The following DSG2 variants were observed in gnomAD, a reference collection of about 807,000 sequenced individuals.
DSG2 encodes the protein desmoglein-2.
DSG2 carries 45 observed loss-of-function variants against 75.6 expected under a neutral mutation model. The ratio of observed to expected loss-of-function variants is 0.60; its 90% CI spans 0.47 to 0.76. DSG2 has a LOEUF of 0.76. DSG2 is among the 30% of genes least tolerant of loss of function. The probability of loss-of-function intolerance (pLI) is 0.00; values close to 1 mark genes in which losing one functional copy is unlikely to be tolerated. For synonymous variants in DSG2, 429 were observed against 483.9 expected, an observed-to-expected ratio of 0.89 and a Z score of 1.49; for missense variants, 1,267 against 1,357.4, an observed-to-expected ratio of 0.93 and a Z score of 1.05.
intron 14 of DSG2, 53 bp downstream of exon 14, chr18:31,542,905 G>A (rs565265206): frequency 1.9e-6 from 2 of 1,055,542 alleles, no homozygotes; most frequent in East Asian, 7.6e-5. Context: ...ACATTTGTAT[G>A]TGAATGTGAT....
rs764745535 is a variant in DSG2, at chr18:31,536,400, C to G, written c.1622C>G (p.Ala541Gly). The G allele has an allele frequency of 1.9e-6, 3 of 1,613,974 alleles. No individual in the cohort carries two copies. The Admixed American group carries it at 5.0e-5, about 27-fold the overall frequency. ...FSVIDKPPGM[A>G]EKWKIARQES... ...GTCATTGACAAACCACCTGGCATGGCAGAAAAATGGAAAATAGCACGCCAA... is the reference window on the plus strand; with the variant it reads ...GTCATTGACAAACCACCTGGCATGGGAGAAAAATGGAAAATAGCACGCCAA... Residue 541 changes from alanine (A) to glycine (G), a missense_variant, in exon 11 of 15, where the codon GCA becomes GGA. Coordinates refer to ENST00000261590, the MANE Select transcript of DSG2 (RefSeq NM_001943.5).
intron 14 of DSG2, among the ~76,000 whole-genome samples, chr18:31,544,769 T>C (rs114015152): frequency 2.0e-4 from 30 of 152,262 alleles, no homozygotes; most frequent in African/African-American, 7.2e-4. Context: ...GTAAGAATAA[T>C]TTTTTAAAAA....
At chr18:31,510,583 T>C (rs1423933840) in intron 1 of DSG2, among the ~76,000 whole-genome samples, 1 of 151,314 alleles carries the variant, frequency 6.6e-6, no homozygotes, top group Non-Finnish European at 1.5e-5. Context: ...CCCTCATGCC[T>C]CTGCAGGAAA....
chr18:31,513,703 G>T (rs1342814366), intron 1 of DSG2, among the ~76,000 whole-genome samples: 1 of 152,176 alleles, frequency 6.6e-6, no homozygotes, highest in Non-Finnish European at 1.5e-5. Context: ...GCTTCCCTCT[G>T]CCCTGAGGAT....
chr18:31,508,750 G>A (rs2073052014), intron 1 of DSG2, among the ~76,000 whole-genome samples: 1 of 152,130 alleles, frequency 6.6e-6, no homozygotes, highest in Admixed American at 6.5e-5. Context: ...ACATCTGTCT[G>A]TAACTAGGGG....
intron 12 of DSG2, among the ~76,000 whole-genome samples, chr18:31,540,467 C>T (rs1452943761): frequency 1.3e-5 from 2 of 152,190 alleles, no homozygotes; most frequent in African/African-American, 4.8e-5. Context: ...TCTCAGATTC[C>T]CTGGAGCCTA....
chr18:31,498,395 C>A, intron 1 of DSG2, 99 bp downstream of exon 1: 1 of 1,192,086 alleles, frequency 8.4e-7, no homozygotes, highest in Non-Finnish European at 1.1e-6. Context: ...CCCTTGTGCG[C>A]GTTACCTGCC....
In DSG2 at chr18:31,545,742, G is replaced by A. The variant is rs1463321305; in HGVS notation, c.2356G>A (p.Glu786Lys). ...FTDKAASYTEEDENHTAKDCL... is the reference protein window; with the variant it reads ...FTDKAASYTEKDENHTAKDCL... Reference sequence around the variant, plus strand: ...TTAGAAAGCGGCCTCTTACACTGAGGAAGATGAAAATCACACAGCCAAAGA... The same window carrying A: ...TTAGAAAGCGGCCTCTTACACTGAGAAAGATGAAAATCACACAGCCAAAGA... The change falls in exon 15 of 15, where the codon GAA becomes AAA. Residue 786 changes from glutamate (E) to lysine (K), a missense_variant. Coordinates refer to ENST00000261590, the MANE Select transcript of DSG2 (RefSeq NM_001943.5). The A allele has an allele frequency of 2.5e-6, 4 of 1,613,984 alleles. No homozygotes were observed. Among genetic ancestry groups the A allele is most frequent in the Non-Finnish European group, 3.4e-6 (4 of 1,180,020 alleles).
At chr18:31,501,556 G>A (rs1369270347) in intron 1 of DSG2, among the ~76,000 whole-genome samples, 2 of 152,168 alleles carry the variant, frequency 1.3e-5, no homozygotes, top group Non-Finnish European at 2.9e-5. Context: ...CCTCTTCCAA[G>A]TGCATACTGG....
chr18:31,522,210 A>C lies in DSG2; in HGVS notation c.651A>C (p.Thr217=). Residue 217 remains threonine (T), a synonymous_variant, in exon 6 of 15, where the codon ACA becomes ACC. Transcript: ENST00000261590. The part of the protein sequence containing the change: ...YPPVFYLNKD[T]GEIYTTSVTL... ...CAGTGTTCTACCTAAATAAAGATAC[A>C]GGAGAGATTTATACAACCAGTGTTA... 2 of 1,613,866 alleles carry C rather than the reference A, an allele frequency of 1.2e-6. No individual in the cohort carries two copies. The highest frequency in any genetic ancestry group is 1.7e-6 in the Non-Finnish European group (2 of 1,179,780).
chr18:31,546,407 T>A lies in DSG2; in HGVS notation c.3021T>A (p.His1007Gln), dbSNP rs756535483. Residue 1007 changes from histidine (H) to glutamine (Q), a missense_variant, in exon 15 of 15, where the codon CAT (histidine) becomes CAA (glutamine). Transcript: ENST00000261590. ...CGAATCCTCTGGAAGGCACTCAGCA[T>A]CTTCAAGATGTACCTTACGTCATGG... ...GGSNPLEGTQ[H>Q]LQDVPYVMVR... 1 of 1,614,174 alleles carries A rather than the reference T, an allele frequency of 6.2e-7. No individual in the cohort carries two copies. The highest frequency in any genetic ancestry group is 1.1e-5 in the South Asian group (1 of 91,080).
chr18:31,541,526 C>T (rs2073268042), intron 13 of DSG2, among the ~76,000 whole-genome samples: 1 of 152,102 alleles, frequency 6.6e-6, no homozygotes, highest in African/African-American at 2.4e-5. Context: ...TTGACACTTC[C>T]CATGTTGTAG....
chr18:31,506,048 CCCCTGCA>C (rs1318903078), intron 1 of DSG2, among the ~76,000 whole-genome samples: 2 of 152,138 alleles, frequency 1.3e-5, no homozygotes, highest in Admixed American at 1.3e-4. Flanking sequence ...TGTGAACTGC[CCCCTGCA>C]ATCCTGGAGC....
At chr18:31,506,315 G>T (rs1337410178) in intron 1 of DSG2, among the ~76,000 whole-genome samples, 2 of 152,068 alleles carry the variant, frequency 1.3e-5, no homozygotes, top group East Asian at 1.9e-4. Context: ...CTGCAAATTA[G>T]AATCATTCTA....
intron 1 of DSG2, among the ~76,000 whole-genome samples, chr18:31,507,171 T>C (rs1458969858): frequency 6.6e-6 from 1 of 152,114 alleles, no homozygotes; most frequent in African/African-American, 2.4e-5. Context: ...AGTGAGAACA[T>C]GTGGTGTTTG....
chr18:31,512,798 T>G lies in DSG2; in HGVS notation c.46-5441T>G, dbSNP rs568824237. On this transcript the variant is annotated intron_variant, in intron 1 of 14. Coordinates refer to ENST00000261590, the MANE Select transcript of DSG2 (RefSeq NM_001943.5). ...ACTTCCAAGTCACTCTCTACTATCCTGACCCTGCTTTAATTTTTTTTATTG... is the reference window on the plus strand; with the variant it reads ...ACTTCCAAGTCACTCTCTACTATCCGGACCCTGCTTTAATTTTTTTTATTG... 5.3e-5 allele frequency among the ~76,000 whole-genome samples: 8 copies of G among 152,356 alleles called. No homozygotes were observed. The South Asian group carries it at 1.7e-3, about 32-fold the overall frequency.
At chr18:31,537,455 T>TA (rs1353135470) in intron 11 of DSG2, among the ~76,000 whole-genome samples, 1 of 151,914 alleles carries the variant, frequency 6.6e-6, no homozygotes, top group Non-Finnish European at 1.5e-5. Flanking sequence ...CCGTCTCTAC[T>TA]AAAAATACAA....
intron 1 of DSG2, among the ~76,000 whole-genome samples, chr18:31,514,745 A>T (rs1456466835): frequency 1.3e-5 from 2 of 152,212 alleles, no homozygotes; most frequent in African/African-American, 4.8e-5. Flanking sequence ...CAAAATACAC[A>T]TTAAAGTTTA....
At chr18:31,503,877 A>G (rs2073026276) in intron 1 of DSG2, among the ~76,000 whole-genome samples, 1 of 152,202 alleles carries the variant, frequency 6.6e-6, no homozygotes, top group Non-Finnish European at 1.5e-5. Context: ...CCCAAGGTCC[A>G]GGGATGCTAA....
Sources: allele counts gnomAD v4.1 joint callset (sites outside exome capture counted in the v4.1 genomes callset), GRCh38; gene constraint gnomAD v4.1.1; transcripts MANE v1.5; gene names NCBI Gene and HGNC (gene_info 2026-07-23, HGNC 2026-07-21).